MDFI: variants seen among roughly 807,000 people sequenced by gnomAD.
MDFI encodes MyoD family inhibitor.
MDFI carries 16 observed loss-of-function variants against 22.3 expected under a neutral mutation model. That is an observed-to-expected ratio of 0.72 (90% CI 0.49 to 1.09). MDFI has a LOEUF of 1.09. MDFI is among the 50% of genes least tolerant of loss of function. The probability of loss-of-function intolerance (pLI) is 0.00; values close to 1 mark genes in which losing one functional copy is unlikely to be tolerated. For missense variants in MDFI, 314 were observed against 326.1 expected (o/e 0.96, Z 0.29); for synonymous variants, 145 against 142.7 (o/e 1.02, Z -0.12).
chr6:41,645,864 ATC>A (rs1581835160), intron 2 of MDFI, among the ~76,000 whole-genome samples: 1 of 151,950 alleles, frequency 6.6e-6, no homozygotes, highest in East Asian at 1.9e-4. Context: ...ATATTCTGCC[ATC>A]TCTGCCCCTC....
intron 4 of MDFI, among the ~76,000 whole-genome samples, chr6:41,650,476 G>A (rs979937245): frequency 6.6e-6 from 1 of 152,172 alleles, no homozygotes; most frequent in African/African-American, 2.4e-5. Context: ...TCCATGTGAA[G>A]GGACCCTGGC....
chr6:41,648,685 G>A (rs1768146643), intron 3 of MDFI, among the ~76,000 whole-genome samples: 1 of 152,104 alleles, frequency 6.6e-6, no homozygotes, highest in African/African-American at 2.4e-5. Context: ...CACAGCTGAG[G>A]GGCCCCAGAG....
At position 41,653,182 on chromosome 6, in the gene MDFI, C is replaced by T. The variant is rs1052761923; in HGVS notation, c.485-137C>T. 9.2e-6 allele frequency: 8 copies of T among 865,150 alleles called. No homozygotes were observed. Among genetic ancestry groups the T allele is most frequent in the Admixed American group, 2.1e-5 (1 of 47,320 alleles). 53.6% of individuals were successfully genotyped at this position (865,150 alleles called of 1,614,324 possible). A position where few individuals can be genotyped will look rare whatever the true frequency, so the allele number is the denominator to read the frequency against. On this transcript the variant is annotated intron_variant, in intron 4 of 4. Coordinates refer to ENST00000230321, the MANE Select transcript of MDFI (RefSeq NM_005586.4). This position sits in a 1 kb window ranked among gnomAD's most constrained non-coding sequence, Gnocchi z 4.2. ...GAAAATGGAGCTGTGGGGACGGATTCGTGAGCTTCAGGCACACAGTGAACA... is the reference window on the plus strand; with the variant it reads ...GAAAATGGAGCTGTGGGGACGGATTTGTGAGCTTCAGGCACACAGTGAACA...
intron 3 of MDFI, among the ~76,000 whole-genome samples, chr6:41,646,796 CAGG>C (rs1437106931): frequency 1.3e-5 from 2 of 152,312 alleles, no homozygotes; most frequent in East Asian, 3.9e-4. Flanking sequence ...CCCTCAAGAA[CAGG>C]AGAAGCAACA....
chr6:41,647,767 C>T (rs1349746762), intron 3 of MDFI, among the ~76,000 whole-genome samples: 1 of 152,164 alleles, frequency 6.6e-6, no homozygotes, highest in Non-Finnish European at 1.5e-5. Flanking sequence ...AAAGAAGCTG[C>T]TCCACCTACT....
At position 41,638,900 on chromosome 6, in the gene MDFI, C is replaced by T. The variant is rs967160453; in HGVS notation, c.76+75C>T. ...GAAGGGGCCAGTTATTAGTTCTCCT[C>T]TCCGTCCCCAGACGCGGGGAGACCG... On this transcript the variant is annotated intron_variant, in intron 2 of 4. Transcript: ENST00000230321. This position sits in a 1 kb window ranked among gnomAD's most constrained non-coding sequence, Gnocchi z 7.6. 3.5e-6 allele frequency: 5 copies of T among 1,431,830 alleles called. No individual in the cohort carries two copies. The highest frequency in any genetic ancestry group is 4.7e-6 in the Non-Finnish European group (5 of 1,070,350). The allele number at this position is 1,431,830 out of a possible 1,614,324, so 88.7% of individuals were successfully genotyped here. A position where few individuals can be genotyped will look rare whatever the true frequency, so the allele number is the denominator to read the frequency against.
Position 41,649,685 on chromosome 6 carries a change from A to T in MDFI, c.326A>T (p.Glu109Val), listed in dbSNP as rs754340942. 1 of 1,613,698 alleles carries T rather than the reference A, an allele frequency of 6.2e-7. No individual in the cohort carries two copies. Among genetic ancestry groups the T allele is most frequent in the Middle Eastern group, 1.7e-4 (1 of 6,060 alleles). ...CCGAATGACTCTGGCCACCCCTCAG[A>T]GCTGGGCGGCACCAGACGGGCGGGG... ...LLPNDSGHPSELGGTRRAGNG... is the reference protein window; with the variant it reads ...LLPNDSGHPSVLGGTRRAGNG... Residue 109 changes from glutamate (E) to valine (V), a missense_variant, in exon 4 of 5, where the codon GAG becomes GTG. Physicochemically the swap from Glu to Val is moderately radical, Grantham distance 121. Coordinates refer to ENST00000230321, the MANE Select transcript of MDFI (RefSeq NM_005586.4).
chr6:41,645,621 C>A (rs111519937), intron 2 of MDFI, among the ~76,000 whole-genome samples: 57 of 152,160 alleles, frequency 3.7e-4, no homozygotes, highest in African/African-American at 1.3e-3. Context: ...TACTGACTTC[C>A]GTGCTATTGC....
chr6:41,646,943 C>T (rs999347723), intron 3 of MDFI, among the ~76,000 whole-genome samples: 1 of 152,194 alleles, frequency 6.6e-6, no homozygotes, highest in Non-Finnish European at 1.5e-5. Flanking sequence ...ATGGCTACTG[C>T]GAAGCCCATT....
intron 2 of MDFI, chr6:41,639,724 C>A: frequency 2.0e-6 from 2 of 985,450 alleles, no homozygotes; most frequent in Non-Finnish European, 2.4e-6. Flanking sequence ...TCGTTGCCTT[C>A]CTCCCCACCA....
Position 41,653,570 on chromosome 6 carries a change from T to G in MDFI, c.736T>G (p.Ser246Ala). 6.2e-7 allele frequency: 1 copy of G among 1,600,032 alleles called. No individual in the cohort carries two copies. The highest frequency in any genetic ancestry group is 8.5e-7 in the Non-Finnish European group (1 of 1,179,798). ...GGAGTGCTGTGGGCTCTGCTTCTCC[T>G]CCTGAGCCTCTGTCGGGGGCTAAGC... is the stretch of plus-strand genomic sequence containing the variant. ...CMECCGLCFS[S>A] The change falls in exon 5 of 5, where the codon TCC (serine) becomes GCC (alanine). Residue 246 changes from serine (S) to alanine (A), a missense_variant. Ser to Ala is a moderately conservative substitution (Grantham distance 99, BLOSUM62 1). Transcript: ENST00000230321. The surrounding 1 kb of genome is among the most constrained non-coding windows in gnomAD (Gnocchi z 4.2).
Position 41,638,929 on chromosome 6 carries a change from C to T in MDFI, c.76+104C>T. 1 of 1,286,562 alleles carries T rather than the reference C, an allele frequency of 7.8e-7. No homozygotes were observed. Among genetic ancestry groups the T allele is most frequent in the Non-Finnish European group, 1.1e-6 (1 of 951,492 alleles). 79.7% of individuals were successfully genotyped at this position (1,286,562 alleles called of 1,614,324 possible). ...GTCCCCAGACGCGGGGAGACCGTTC[C>T]AGGGAGCTTGGTGGGGGTAGGGACG... On this transcript the variant is annotated intron_variant, in intron 2 of 4. Coordinates refer to ENST00000230321, the MANE Select transcript of MDFI (RefSeq NM_005586.4). This position sits in a 1 kb window ranked among gnomAD's most constrained non-coding sequence, Gnocchi z 7.6.
At chr6:41,649,901 C>G (rs1768205219) in intron 4 of MDFI, 58 bp downstream of exon 4, 2 of 1,485,148 alleles carry the variant, frequency 1.3e-6, no homozygotes, top group Admixed American at 1.8e-5. Context: ...TTCCTCGAAG[C>G]ATGACGCATG....
chr6:41,653,845 T>G lies in MDFI; in HGVS notation c.*270T>G. The G allele has an allele frequency of 4.0e-6, 2 of 505,398 alleles. No individual in the cohort carries two copies. Among genetic ancestry groups the G allele is most frequent in the East Asian group, 3.5e-5 (1 of 28,812 alleles). The allele number at this position is 505,398 out of a possible 1,614,324, so 31.3% of individuals were successfully genotyped here. A position where few individuals can be genotyped will look rare whatever the true frequency, so the allele number is the denominator to read the frequency against. On this transcript the variant is annotated 3_prime_UTR_variant, in exon 5 of 5. Coordinates refer to ENST00000230321, the MANE Select transcript of MDFI (RefSeq NM_005586.4). This position sits in a 1 kb window ranked among gnomAD's most constrained non-coding sequence, Gnocchi z 4.2. ...CCAGGTTCATACATTGCTGAGGACC[T>G]GACAGGACAACCTAGGGGCAGGGCT... is the stretch of plus-strand genomic sequence containing the variant.
intron 4 of MDFI, among the ~76,000 whole-genome samples, chr6:41,650,345 C>T (rs34590063): frequency 1.3e-5 from 2 of 152,232 alleles, no homozygotes; most frequent in Non-Finnish European, 2.9e-5. Context: ...CACAAAGATC[C>T]TCTGCAGGGC....
rs771797307 is a variant in MDFI, at chr6:41,649,607, T to C, written c.260-12T>C. The C allele has an allele frequency of 6.4e-7, 1 of 1,561,264 alleles. No individual in the cohort carries two copies. The highest frequency in any genetic ancestry group is 1.2e-5 in the South Asian group (1 of 83,932). On this transcript the variant is annotated splice_polypyrimidine_tract_variant and intron_variant, in intron 3 of 4. Coordinates refer to ENST00000230321, the MANE Select transcript of MDFI (RefSeq NM_005586.4). ...ACCCTTTTCCCATCACACTTTCTCT[T>C]CATCTCTCCAGGCCAGCCTCAGGGG...
At chr6:41,646,589 CA>C (rs1768060736) in intron 3 of MDFI, among the ~76,000 whole-genome samples, 3 of 152,270 alleles carry the variant, frequency 2.0e-5, no homozygotes, top group South Asian at 4.1e-4. Context: ...CCCCCTGCCT[CA>C]GGAAGAGAGC....
At chr6:41,639,956 T>TA in intron 2 of MDFI, 1 of 975,910 alleles carries the variant, frequency 1.0e-6, no homozygotes. Flanking sequence ...GGGGGTCCTC[T>TA]AAACCAGAGT....
chr6:41,640,147 G>A (rs1767798193), intron 2 of MDFI, among the ~76,000 whole-genome samples: 1 of 152,202 alleles, frequency 6.6e-6, no homozygotes, highest in South Asian at 2.1e-4. Context: ...ACAGCTGGGG[G>A]CAGGGCACTT....
Sources: allele counts gnomAD v4.1 joint callset (sites outside exome capture counted in the v4.1 genomes callset), GRCh38; gene constraint gnomAD v4.1.1; non-coding constraint Gnocchi (gnomAD v3.1); transcripts MANE v1.5; gene names NCBI Gene and HGNC (gene_info 2026-07-23, HGNC 2026-07-21).